Variants in SEMA6A observed in about 807,000 individuals in gnomAD.
The protein encoded by SEMA6A is semaphorin 6A.
In SEMA6A, 25 loss-of-function variants were observed where a neutral mutation model predicts 96.8. That is an observed-to-expected ratio of 0.26 (90% CI 0.19 to 0.36). The LOEUF (loss-of-function observed/expected upper bound fraction) is 0.36, where lower values mean the gene tolerates loss of function less well. SEMA6A is among the 10% of genes least tolerant of loss of function. The probability of loss-of-function intolerance (pLI) is 1.00; values close to 1 mark genes in which losing one functional copy is unlikely to be tolerated. For synonymous variants in SEMA6A, 612 were observed against 518.0 expected (o/e 1.18, Z -2.46); for missense variants, 1,363 against 1,323.1 (o/e 1.03, Z -0.47).
chr5:116,532,344 A>G (rs1222823770), intron 1 of SEMA6A, among the ~76,000 whole-genome samples: 4 of 152,238 alleles, frequency 2.6e-5, no homozygotes, highest in Non-Finnish European at 5.9e-5. Context: ...CAAAGGGAAT[A>G]TGAATGTATA....
At chr5:116,454,213 G>C (rs1253519729) in intron 18 of SEMA6A, among the ~76,000 whole-genome samples, 1 of 152,284 alleles carries the variant, frequency 6.6e-6, no homozygotes, top group East Asian at 1.9e-4. Context: ...AAGGAGGATG[G>C]ACATTTCCTC....
chr5:116,474,981 GA>G (rs1292503191), intron 16 of SEMA6A, among the ~76,000 whole-genome samples: 1 of 152,144 alleles, frequency 6.6e-6, no homozygotes, highest in Non-Finnish European at 1.5e-5. Context: ...CTATCTCTGA[GA>G]TTTACATAGT....
In SEMA6A at chr5:116,514,465, GTTGT is replaced by G. The variant is rs373480105; in HGVS notation, c.-38-9487_-38-9484del. ...TGTCCTTTACCCACTTTTTAATGGG[GTTGT>G]TTGTTTTTTTCTTGTAAACTTGTGT... On this transcript the variant is annotated intron_variant, in intron 1 of 18. Transcript: ENST00000343348. Among the ~76,000 whole-genome samples, 515 of 152,214 alleles carry G rather than the reference GTTGT, an allele frequency of 3.4e-3. 5 individuals are homozygous for G. Among genetic ancestry groups the G allele is most frequent in the African/African-American group, 0.011 (447 of 41,528 alleles).
chr5:116,446,705 T>G lies in SEMA6A; in HGVS notation c.3001A>C (p.Lys1001Gln). ...AYNSLTRSGL[K>Q]RTPSLKPDVP... ...TCCGGCTTTAGCGAGGGCGTACGCT[T>G]CAGCCCCGACCTTGTCAGTGAGTTG... The change falls in exon 19 of 19, where the codon AAG becomes CAG. Residue 1001 changes from lysine to glutamine, a missense_variant. Physicochemically the swap from Lys to Gln is moderately conservative, Grantham distance 53. Coordinates refer to ENST00000343348, the MANE Select transcript of SEMA6A (RefSeq NM_020796.5). 6.3e-7 allele frequency: 1 copy of G among 1,592,642 alleles called. No homozygotes were observed. Among genetic ancestry groups the G allele is most frequent in the Non-Finnish European group, 8.6e-7 (1 of 1,168,876 alleles).
chr5:116,572,422 G>A (rs1022995734), intron 1 of SEMA6A, among the ~76,000 whole-genome samples: 1 of 152,210 alleles, frequency 6.6e-6, no homozygotes, highest in African/African-American at 2.4e-5. Context: ...GATACAGGCC[G>A]GAGACTCCCT....
chr5:116,463,545 A>G (rs1273713408), intron 18 of SEMA6A, among the ~76,000 whole-genome samples: 2 of 152,236 alleles, frequency 1.3e-5, no homozygotes, highest in African/African-American at 4.8e-5. Flanking sequence ...TACATTGATT[A>G]AAATATATTC....
At chr5:116,501,910 A>G (rs1757901476) in intron 3 of SEMA6A, among the ~76,000 whole-genome samples, 1 of 152,200 alleles carries the variant, frequency 6.6e-6, no homozygotes, top group South Asian at 2.1e-4. Flanking sequence ...ACAGAGTATT[A>G]AGGAGCAGAG....
At position 116,447,825 on chromosome 5, in the gene SEMA6A, C is replaced by T. The variant is rs761413228; in HGVS notation, c.1895-14G>A. The T allele has an allele frequency of 1.9e-6, 3 of 1,552,238 alleles. No homozygotes were observed. The highest frequency in any genetic ancestry group is 2.7e-5 in the African/African-American group (2 of 73,178). On this transcript the variant is annotated splice_polypyrimidine_tract_variant and intron_variant, in intron 18 of 18. Coordinates refer to ENST00000343348, the MANE Select transcript of SEMA6A (RefSeq NM_020796.5). ...CCCGAATCACTCCTGCAATAGACAT[C>T]GCATATGGCGTTAAGAAATGAAAGC... is the stretch of plus-strand genomic sequence containing the variant.
chr5:116,468,958 T>G (rs1467212145), intron 17 of SEMA6A: 1 of 152,174 alleles, frequency 6.6e-6, no homozygotes, highest in Non-Finnish European at 1.5e-5. Context: ...GCATTCTTTT[T>G]TTTTTTTTAC....
intron 1 of SEMA6A, among the ~76,000 whole-genome samples, chr5:116,518,484 GAC>G (rs1758771272): frequency 6.6e-6 from 1 of 152,126 alleles, no homozygotes; most frequent in South Asian, 2.1e-4. Flanking sequence ...ATCTCTGCCA[GAC>G]CAGAATAAGG....
chr5:116,534,798 C>T (rs1031979688), intron 1 of SEMA6A, among the ~76,000 whole-genome samples: 3 of 152,198 alleles, frequency 2.0e-5, no homozygotes, highest in African/African-American at 7.2e-5. Context: ...GCTGCTTAGC[C>T]CAGGAATGGG....
intron 17 of SEMA6A, chr5:116,467,974 C>T (rs1413853568): frequency 1.1e-5 from 6 of 532,656 alleles, no homozygotes; most frequent in African/African-American, 1.9e-5. Flanking sequence ...AGGGCCAGAT[C>T]CTATCTCTCA....
At chr5:116,538,999 T>C (rs1182819045) in intron 1 of SEMA6A, among the ~76,000 whole-genome samples, 1 of 152,216 alleles carries the variant, frequency 6.6e-6, no homozygotes, top group African/African-American at 2.4e-5. Flanking sequence ...AAGTAATTCA[T>C]AGCAACTAAG....
At chr5:116,523,664 A>AC (rs1377494521) in intron 1 of SEMA6A, among the ~76,000 whole-genome samples, 3 of 152,156 alleles carry the variant, frequency 2.0e-5, no homozygotes, top group African/African-American at 7.2e-5. Context: ...CTGAGTATAG[A>AC]CCAGTGCTTT....
chr5:116,573,270 G>A (rs188295401), intron 1 of SEMA6A, among the ~76,000 whole-genome samples: 3,501 of 152,236 alleles, frequency 0.023, 59 homozygotes, highest in Non-Finnish European at 0.036. Context: ...CAAACCCAGG[G>A]CCATCTTCTG....
intron 10 of SEMA6A, among the ~76,000 whole-genome samples, chr5:116,484,645 T>A: frequency 6.7e-6 from 1 of 148,200 alleles, no homozygotes; most frequent in Admixed American, 6.8e-5. Flanking sequence ...ATAATAATAA[T>A]AATAACAAAA....
intron 1 of SEMA6A, among the ~76,000 whole-genome samples, chr5:116,505,234 C>T (rs1435601662): frequency 1.3e-5 from 2 of 152,202 alleles, no homozygotes; most frequent in Admixed American, 1.3e-4. Context: ...TATCCTGAGC[C>T]ATCTTTAGGC....
intron 1 of SEMA6A, among the ~76,000 whole-genome samples, chr5:116,561,397 A>C (rs1331788954): frequency 2.0e-5 from 3 of 152,212 alleles, no homozygotes; most frequent in Non-Finnish European, 2.9e-5. Context: ...GCTGGGAGCC[A>C]ATCTATTCTC....
Position 116,562,791 on chromosome 5 carries a change from C to T in SEMA6A, c.-39+11394G>A, listed in dbSNP as rs1189835663. The T allele has an allele frequency of 3.7e-5, 27 of 729,112 alleles. No individual in the cohort carries two copies. The East Asian group carries it at 6.8e-4, about 18-fold the overall frequency. The allele number at this position is 729,112 out of a possible 1,614,324, so 45.2% of individuals were successfully genotyped here. On this transcript the variant is annotated intron_variant, in intron 1 of 18. Transcript: ENST00000343348. The stretch of plus-strand genomic sequence containing the variant: ...TTGCCATATGCTGCTATGTTGGCTG[C>T]CCAGGATATGGCTCAGAGGTGCAAG...
Sources: allele counts gnomAD v4.1 joint callset (sites outside exome capture counted in the v4.1 genomes callset), GRCh38; gene constraint gnomAD v4.1.1; transcripts MANE v1.5; gene names NCBI Gene and HGNC (gene_info 2026-07-23, HGNC 2026-07-21).